ARL15: variants seen among roughly 807,000 people sequenced by gnomAD.
ARL15 encodes the protein ADP-ribosylation factor-like protein 15.
In ARL15, 19 loss-of-function variants were observed where a neutral mutation model predicts 25.2. The observed-to-expected ratio is 0.75, with a 90% confidence interval of 0.53 to 1.10. ARL15 has a LOEUF of 1.10. Ranked by LOEUF, ARL15 falls within the 50% of genes least tolerant of loss-of-function variation. The pLI is 0.00. For synonymous variants in ARL15, 94 were observed against 86.8 expected (o/e 1.08, Z -0.46); for missense variants, 220 against 246.0 (o/e 0.89, Z 0.71).
At chr5:54,240,823 A>T (rs1756939576) in intron 1 of ARL15, among the ~76,000 whole-genome samples, 1 of 152,230 alleles carries the variant, frequency 6.6e-6, no homozygotes, top group South Asian at 2.1e-4. Flanking sequence ...GTGAGCGTCA[A>T]CATGACACTC....
At chr5:54,131,104 CTT>C (rs1168033664) in intron 3 of ARL15, among the ~76,000 whole-genome samples, 2 of 152,162 alleles carry the variant, frequency 1.3e-5, no homozygotes, top group Non-Finnish European at 2.9e-5. Flanking sequence ...CTCCCCATCT[CTT>C]GTCATCACCT....
At chr5:53,900,987 T>C (rs1745046915) in intron 4 of ARL15, among the ~76,000 whole-genome samples, 1 of 152,246 alleles carries the variant, frequency 6.6e-6, no homozygotes, top group Non-Finnish European at 1.5e-5. Flanking sequence ...AAGCATCTAA[T>C]TCTTATTTCA....
chr5:54,129,791 A>C (rs1420169261), intron 3 of ARL15, among the ~76,000 whole-genome samples: 5 of 152,218 alleles, frequency 3.3e-5, no homozygotes, highest in Non-Finnish European at 1.5e-5. Flanking sequence ...TTTTAAAGCA[A>C]ACCGTTAATA....
intron 2 of ARL15, among the ~76,000 whole-genome samples, chr5:54,161,609 C>A (rs1002807647): frequency 5.9e-5 from 9 of 152,072 alleles, no homozygotes; most frequent in Non-Finnish European, 1.2e-4. Flanking sequence ...TATGAATTAT[C>A]TCTTTATAGA....
At chr5:54,227,919 A>G (rs1246426026) in intron 1 of ARL15, among the ~76,000 whole-genome samples, 1 of 152,152 alleles carries the variant, frequency 6.6e-6, no homozygotes, top group Non-Finnish European at 1.5e-5. Flanking sequence ...ACAGAGTAAC[A>G]CCTTTTCTGA....
At chr5:54,261,789 C>T (rs1016225369) in intron 1 of ARL15, among the ~76,000 whole-genome samples, 6 of 151,876 alleles carry the variant, frequency 4.0e-5, no homozygotes, top group African/African-American at 1.2e-4. Context: ...ACCGTTTTTT[C>T]GGGAGGGTGG....
At chr5:54,028,145 T>G (rs922784289) in intron 4 of ARL15, among the ~76,000 whole-genome samples, 2 of 152,012 alleles carry the variant, frequency 1.3e-5, no homozygotes, top group African/African-American at 4.8e-5. Flanking sequence ...ATGGTCTTGA[T>G]CTCCTGAACT....
chr5:54,115,392 C>T (rs1223934762), intron 3 of ARL15, among the ~76,000 whole-genome samples: 1 of 152,106 alleles, frequency 6.6e-6, no homozygotes, highest in Non-Finnish European at 1.5e-5. Context: ...AGTGATTCTC[C>T]TGCATCAGCC....
At chr5:53,953,912 CAGACTA>C (rs997450883) in intron 4 of ARL15, among the ~76,000 whole-genome samples, 20 of 152,098 alleles carry the variant, frequency 1.3e-4, no homozygotes, top group African/African-American at 4.8e-4. Flanking sequence ...TTTTCCATTT[CAGACTA>C]AGTAGTGAGA....
At chr5:54,125,450 T>C (rs1186113672) in intron 3 of ARL15, among the ~76,000 whole-genome samples, 2 of 152,146 alleles carry the variant, frequency 1.3e-5, no homozygotes, top group African/African-American at 4.8e-5. Context: ...ACCCTCAGTC[T>C]AACGCTGCCC....
At chr5:54,190,332 G>T (rs755265405) in intron 1 of ARL15, among the ~76,000 whole-genome samples, 5 of 151,806 alleles carry the variant, frequency 3.3e-5, no homozygotes, top group Non-Finnish European at 7.4e-5. Flanking sequence ...GGTGGAGGTT[G>T]CAGTGAGCCA....
At chr5:54,285,744 G>C (rs887693758) in intron 1 of ARL15, among the ~76,000 whole-genome samples, 11 of 152,106 alleles carry the variant, frequency 7.2e-5, no homozygotes, top group African/African-American at 2.7e-4. Flanking sequence ...AAACCCCTTC[G>C]AATGAGGCCC....
intron 4 of ARL15, among the ~76,000 whole-genome samples, chr5:54,102,039 G>C (rs939811401): frequency 2.1e-5 from 3 of 145,806 alleles, no homozygotes; most frequent in African/African-American, 7.7e-5. Context: ...TTGAGACAGA[G>C]TCTCACTCTG....
intron 1 of ARL15, among the ~76,000 whole-genome samples, chr5:54,299,480 T>C (rs962133575): frequency 6.6e-6 from 1 of 151,590 alleles, no homozygotes; most frequent in African/African-American, 2.4e-5. Flanking sequence ...AAAACGATAA[T>C]AGTAAATGTA....
At chr5:54,299,733 G>A (rs145404769) in intron 1 of ARL15, among the ~76,000 whole-genome samples, 1,772 of 151,944 alleles carry the variant, frequency 0.012, 34 homozygotes, top group African/African-American at 0.04. Context: ...GGGACTATAG[G>A]TGTGCACCAC....
chr5:54,120,544 T>C (rs1753039813), intron 3 of ARL15, among the ~76,000 whole-genome samples: 1 of 152,194 alleles, frequency 6.6e-6, no homozygotes, highest in South Asian at 2.1e-4. Flanking sequence ...AAGAAAAAGC[T>C]GTGGGAACAG....
chr5:54,004,378 A>C (rs1748949055), intron 4 of ARL15, among the ~76,000 whole-genome samples: 1 of 152,014 alleles, frequency 6.6e-6, no homozygotes, highest in South Asian at 2.1e-4. Context: ...CTGTAGTCCC[A>C]GCTACTCAGG....
chr5:54,000,688 A>G (rs1201001885), intron 4 of ARL15, among the ~76,000 whole-genome samples: 2 of 152,324 alleles, frequency 1.3e-5, no homozygotes, highest in Admixed American at 1.3e-4. Context: ...GTCTTCCCTT[A>G]TAAGAAATAA....
chr5:54,128,334 C>T (rs758578665), intron 3 of ARL15, among the ~76,000 whole-genome samples: 11 of 152,184 alleles, frequency 7.2e-5, no homozygotes, highest in Non-Finnish European at 1.6e-4. Context: ...TTCTTTATGA[C>T]TGTTGTGGGC....
Sources: allele counts gnomAD v4.1 joint callset (sites outside exome capture counted in the v4.1 genomes callset), GRCh38; gene constraint gnomAD v4.1.1; transcripts MANE v1.5; gene names NCBI Gene and HGNC (gene_info 2026-07-23, HGNC 2026-07-21).